CPED1: variants seen among roughly 807,000 people sequenced by gnomAD.
CPED1 encodes the protein cadherin-like and PC-esterase domain-containing protein 1.
In CPED1, 114 loss-of-function variants were observed where a neutral mutation model predicts 128.2. That is an observed-to-expected ratio of 0.89 (90% CI 0.76 to 1.04). The LOEUF (loss-of-function observed/expected upper bound fraction) is 1.04. Ranked by LOEUF, CPED1 falls within the 50% of genes least tolerant of loss-of-function variation. CPED1 has a pLI of 0.00. For missense variants in CPED1, 1,211 were observed against 1,207.1 expected (o/e 1.00, Z -0.05); for synonymous variants, 462 against 426.7 (o/e 1.08, Z -1.02).
At chr7:121,189,600 G>A (rs369985543) in intron 16 of CPED1, among the ~76,000 whole-genome samples, 1 of 151,498 alleles carries the variant, frequency 6.6e-6, no homozygotes, top group Non-Finnish European at 1.5e-5. Context: ...GAGCCAAACC[G>A]TAACAGAAGG....
chr7:121,087,082 AAACACT>A (rs1190416662), intron 5 of CPED1, among the ~76,000 whole-genome samples: 2 of 152,192 alleles, frequency 1.3e-5, no homozygotes, highest in Non-Finnish European at 2.9e-5. Context: ...AAACAAATTA[AAACACT>A]CAATCCCCTC....
At chr7:121,233,382 A>C (rs1342768628) in intron 16 of CPED1, among the ~76,000 whole-genome samples, 3 of 152,040 alleles carry the variant, frequency 2.0e-5, no homozygotes, top group Non-Finnish European at 4.4e-5. Context: ...GATGACACTT[A>C]AGACCAAAAA....
In CPED1 at chr7:121,239,258, C is replaced by T. The variant is rs557443979; in HGVS notation, c.2173+2427C>T. ...TTACAGCTATTTGGCAAAACTGGAT[C>T]TTTTTCTTTTCACTTTGCCTATGTA... On this transcript the variant is annotated intron_variant, in intron 17 of 22. Transcript: ENST00000310396. Among the ~76,000 whole-genome samples the T allele has an allele frequency of 2.6e-5, 4 of 151,500 alleles. No individual in the cohort carries two copies. The East Asian group carries it at 7.7e-4, about 29-fold the overall frequency.
chr7:121,031,089 A>G (rs1187520214), intron 3 of CPED1, among the ~76,000 whole-genome samples: 1 of 152,254 alleles, frequency 6.6e-6, no homozygotes, highest in African/African-American at 2.4e-5. Flanking sequence ...GCAAGTGTAT[A>G]GAAAATGCAT....
At chr7:121,027,139 C>T (rs948153154) in intron 3 of CPED1, among the ~76,000 whole-genome samples, 1 of 151,844 alleles carries the variant, frequency 6.6e-6, no homozygotes, top group Non-Finnish European at 1.5e-5. Context: ...TCTCGCCTGG[C>T]TCTGTCATTT....
At chr7:121,267,361 G>GAAAAAGACCCGTAA (rs1159531408) in intron 21 of CPED1, 59 bp downstream of exon 21, 4 of 980,638 alleles carry the variant, frequency 4.1e-6, no homozygotes, top group Non-Finnish European at 6.1e-6. Flanking sequence ...ATCCCTGCTG[G>GAAAAAGACCCGTAA]AAAAAGACCC....
chr7:121,247,560 C>T (rs1798566247), intron 18 of CPED1, among the ~76,000 whole-genome samples: 1 of 152,102 alleles, frequency 6.6e-6, no homozygotes, highest in Non-Finnish European at 1.5e-5. Flanking sequence ...GTCCAGGGTA[C>T]CCAAACACTG....
chr7:121,087,592 A>G (rs1421715973), intron 5 of CPED1, among the ~76,000 whole-genome samples: 1 of 151,756 alleles, frequency 6.6e-6, no homozygotes, highest in Non-Finnish European at 1.5e-5. Context: ...TTCAGCTTCC[A>G]CTATCTGGGT....
intron 5 of CPED1, among the ~76,000 whole-genome samples, chr7:121,091,188 G>T: frequency 6.6e-6 from 1 of 150,774 alleles, no homozygotes; most frequent in East Asian, 2.0e-4. Flanking sequence ...AAAAAAAATT[G>T]CAGTAACTGA....
intron 20 of CPED1, 124 bp downstream of exon 20, chr7:121,266,932 G>A: frequency 1.4e-6 from 1 of 712,766 alleles, no homozygotes; most frequent in Non-Finnish European, 2.4e-6. Flanking sequence ...AGTACTTAAA[G>A]TCTAGTTTAA....
rs551484309 is a variant in CPED1, at chr7:121,238,986, A to G, written c.2173+2155A>G. Among the ~76,000 whole-genome samples, 20 of 152,244 alleles carry G rather than the reference A, an allele frequency of 1.3e-4. 1 individual carries two copies. The East Asian group carries it at 3.7e-3, about 28-fold the overall frequency. ...AGCCAGGGCACAATCACGACAACCA[A>G]CTGCTCCATCCTCAAGCTCCAAAAG... is the stretch of plus-strand genomic sequence containing the variant. On this transcript the variant is annotated intron_variant, in intron 17 of 22. Coordinates refer to ENST00000310396, the MANE Select transcript of CPED1 (RefSeq NM_024913.5).
intron 16 of CPED1, among the ~76,000 whole-genome samples, chr7:121,210,247 T>C (rs1462913405): frequency 6.6e-6 from 1 of 151,996 alleles, no homozygotes; most frequent in Non-Finnish European, 1.5e-5. Flanking sequence ...GAGAACAGTA[T>C]GGAGGTTCTT....
At chr7:121,161,528 T>G (rs1010837278) in intron 16 of CPED1, among the ~76,000 whole-genome samples, 1 of 152,214 alleles carries the variant, frequency 6.6e-6, no homozygotes, top group Non-Finnish European at 1.5e-5. Context: ...TCAACTGATT[T>G]GGGAATTTAA....
chr7:121,019,600 C>T (rs148525107), intron 3 of CPED1, among the ~76,000 whole-genome samples: 1 of 152,088 alleles, frequency 6.6e-6, no homozygotes, highest in African/African-American at 2.4e-5. Flanking sequence ...TGCTATTATG[C>T]TATTACATTG....
At chr7:121,115,369 G>A (rs1795212970) in intron 7 of CPED1, among the ~76,000 whole-genome samples, 1 of 152,086 alleles carries the variant, frequency 6.6e-6, no homozygotes, top group African/African-American at 2.4e-5. Context: ...AATTTCCTAT[G>A]GATTCAAAAG....
intron 17 of CPED1, among the ~76,000 whole-genome samples, chr7:121,243,446 G>A (rs189901882): frequency 1.3e-5 from 2 of 152,186 alleles, no homozygotes; most frequent in African/African-American, 4.8e-5. Context: ...GATCTTAAAT[G>A]CATAGAGAAT....
chr7:121,092,735 A>G (rs1584506383), intron 5 of CPED1, among the ~76,000 whole-genome samples: 1 of 152,292 alleles, frequency 6.6e-6, no homozygotes, highest in South Asian at 2.1e-4. Flanking sequence ...CACGAGGCTT[A>G]TTGAGCCTCA....
intron 8 of CPED1, among the ~76,000 whole-genome samples, chr7:121,124,934 T>G (rs1363731400): frequency 6.6e-6 from 1 of 152,148 alleles, no homozygotes; most frequent in Non-Finnish European, 1.5e-5. Flanking sequence ...ACTTATTGCC[T>G]TTGTTCTAAG....
At chr7:121,126,185 G>A (rs1317987014) in intron 9 of CPED1, among the ~76,000 whole-genome samples, 1 of 152,024 alleles carries the variant, frequency 6.6e-6, no homozygotes, top group East Asian at 1.9e-4. Context: ...GAAAAAAGAG[G>A]ATGTGTAGAT....
Sources: allele counts gnomAD v4.1 joint callset (sites outside exome capture counted in the v4.1 genomes callset), GRCh38; gene constraint gnomAD v4.1.1; transcripts MANE v1.5; gene names NCBI Gene and HGNC (gene_info 2026-07-23, HGNC 2026-07-21).